CSMD1: variants seen among roughly 807,000 people sequenced by gnomAD.
The protein encoded by CSMD1 is CUB and sushi domain-containing protein 1.
In CSMD1, 213 loss-of-function variants were observed where a neutral mutation model predicts 417.5. The ratio of observed to expected loss-of-function variants is 0.51; its 90% confidence interval spans 0.46 to 0.57. The LOEUF (loss-of-function observed/expected upper bound fraction) is 0.57. Ranked by LOEUF, CSMD1 falls within the 20% of genes least tolerant of loss-of-function variation. CSMD1 has a pLI of 0.00. For missense variants in CSMD1, 6,923 were observed against 4,529.7 expected (o/e 1.53, Z -15.17); for synonymous variants, 2,862 against 1,736.8 (o/e 1.65, Z -16.11).
At position 3,308,518 on chromosome 8, in the gene CSMD1, G is replaced by C. The variant is rs371433976; in HGVS notation, c.3632-15C>G. 8 of 1,600,400 alleles carry C rather than the reference G, an allele frequency of 5.0e-6. No homozygotes were observed. Among genetic ancestry groups the C allele is most frequent in the Non-Finnish European group, 5.1e-6 (6 of 1,170,122 alleles). On this transcript the variant is annotated splice_polypyrimidine_tract_variant and intron_variant, in intron 23 of 69. Coordinates refer to ENST00000635120, the MANE Select transcript of CSMD1 (RefSeq NM_033225.6). ...CAGATCAAAACCTGCAAGAGAGAAAGGCAAGGAATGAACAGAACTCAAGGG... is the reference window on the plus strand; with the variant it reads ...CAGATCAAAACCTGCAAGAGAGAAACGCAAGGAATGAACAGAACTCAAGGG...
intron 1 of CSMD1, among the ~76,000 whole-genome samples, chr8:4,896,033 AC>A (rs1215570664): frequency 6.6e-6 from 1 of 152,056 alleles, no homozygotes; most frequent in African/African-American, 2.4e-5. Flanking sequence ...TAATGATTCT[AC>A]AATTCTTTGT....
At chr8:3,177,252 G>C (rs1318005665) in intron 37 of CSMD1, among the ~76,000 whole-genome samples, 1 of 152,172 alleles carries the variant, frequency 6.6e-6, no homozygotes, top group African/African-American at 2.4e-5. Flanking sequence ...CGCATGGGGA[G>C]TGTGCCCTTC....
chr8:2,987,287 T>C (rs913000915), intron 54 of CSMD1, among the ~76,000 whole-genome samples: 5 of 151,618 alleles, frequency 3.3e-5, no homozygotes, highest in Admixed American at 6.6e-5. Context: ...TCATGATATA[T>C]GATTACACAA....
At chr8:4,530,314 C>CTTTTTTTTTT (rs759268228) in intron 2 of CSMD1, among the ~76,000 whole-genome samples, 728 of 46,654 alleles carry the variant, frequency 0.016, 115 homozygotes, top group Non-Finnish European at 0.02. Flanking sequence ...ACAGGTAGTG[C>CTTTTTTTTTT]TTTTTTTTTT....
chr8:3,925,945 A>G (rs1809629226), intron 5 of CSMD1, among the ~76,000 whole-genome samples: 1 of 151,742 alleles, frequency 6.6e-6, no homozygotes. Flanking sequence ...CAAGCAGTAA[A>G]GGCTTTTCCT....
chr8:4,426,123 CAG>C (rs1428595019), intron 2 of CSMD1, among the ~76,000 whole-genome samples: 5 of 150,640 alleles, frequency 3.3e-5, no homozygotes, highest in Admixed American at 3.3e-4. Context: ...ATGGATGTGA[CAG>C]AGAGACTGAC....
At chr8:4,070,274 A>C (rs114279547) in intron 3 of CSMD1, among the ~76,000 whole-genome samples, 1 of 152,218 alleles carries the variant, frequency 6.6e-6, no homozygotes, top group South Asian at 2.1e-4. Flanking sequence ...ACTCTAAAAC[A>C]TAATGTTGTT....
intron 3 of CSMD1, among the ~76,000 whole-genome samples, chr8:4,251,204 T>A (rs936876592): frequency 6.6e-6 from 1 of 152,126 alleles, no homozygotes; most frequent in Non-Finnish European, 1.5e-5. Flanking sequence ...AAGTTTACAA[T>A]AAATAAAACC....
At chr8:3,906,225 C>A (rs1808100023) in intron 5 of CSMD1, among the ~76,000 whole-genome samples, 2 of 151,816 alleles carry the variant, frequency 1.3e-5, no homozygotes, top group South Asian at 4.2e-4. Context: ...TGATTGTGAC[C>A]ACAAAATGCC....
At chr8:4,870,301 G>C (rs951856298) in intron 1 of CSMD1, among the ~76,000 whole-genome samples, 2 of 152,070 alleles carry the variant, frequency 1.3e-5, no homozygotes, top group Non-Finnish European at 2.9e-5. Flanking sequence ...AATTGGAACA[G>C]AAAGACCCAC....
chr8:4,639,287 G>A (rs1803050534), intron 1 of CSMD1, among the ~76,000 whole-genome samples: 1 of 128,866 alleles, frequency 7.8e-6, no homozygotes. Context: ...TCAGTTACCT[G>A]TAACAGTCTG....
chr8:4,497,416 A>C (rs1413699169), intron 2 of CSMD1, among the ~76,000 whole-genome samples: 1 of 152,068 alleles, frequency 6.6e-6, no homozygotes, highest in Non-Finnish European at 1.5e-5. Context: ...TTTTGGGGGG[A>C]AATATTAACC....
At chr8:3,363,327 A>G (rs538717747) in intron 20 of CSMD1, among the ~76,000 whole-genome samples, 43 of 152,328 alleles carry the variant, frequency 2.8e-4, no homozygotes, top group Non-Finnish European at 4.7e-4. Flanking sequence ...ATTGAAGGAG[A>G]CAAATACAGA....
chr8:3,515,389 G>C (rs561620286), intron 10 of CSMD1: 1 of 152,164 alleles, frequency 6.6e-6, no homozygotes, highest in African/African-American at 2.4e-5. Context: ...GGCTCTTTAT[G>C]ATCTTGAAAA....
chr8:4,896,365 G>C (rs1045881965), intron 1 of CSMD1, among the ~76,000 whole-genome samples: 1 of 152,042 alleles, frequency 6.6e-6, no homozygotes, highest in Non-Finnish European at 1.5e-5. Flanking sequence ...AACACAGGGA[G>C]CATTGCTTTT....
rs552700593 is a variant in CSMD1, at chr8:3,567,937, C to G, written c.1344+7008G>C. On this transcript the variant is annotated intron_variant, in intron 10 of 69. Transcript: ENST00000635120. The stretch of plus-strand genomic sequence containing the variant: ...ACACATGTGTTGACATCCCCATGGA[C>G]GCCGGAGATGGAAACCCACCAATGA... Among the ~76,000 whole-genome samples the G allele has an allele frequency of 2.0e-5, 3 of 152,244 alleles. No individual in the cohort carries two copies. The South Asian group carries it at 6.2e-4, about 32-fold the overall frequency.
chr8:4,139,496 T>A (rs997600180), intron 3 of CSMD1, among the ~76,000 whole-genome samples: 2 of 151,232 alleles, frequency 1.3e-5, no homozygotes, highest in African/African-American at 2.5e-5. Context: ...CGTGGATGAA[T>A]GGTCTGCATT....
At chr8:4,196,720 G>A (rs1488334855) in intron 3 of CSMD1, among the ~76,000 whole-genome samples, 3 of 151,952 alleles carry the variant, frequency 2.0e-5, no homozygotes, top group African/African-American at 7.3e-5. Flanking sequence ...GGTCCACCAG[G>A]GTAATTAGGA....
chr8:4,485,233 A>G lies in CSMD1; in HGVS notation c.303-65168T>C, dbSNP rs189587067. On this transcript the variant is annotated intron_variant, in intron 2 of 69. Coordinates refer to ENST00000635120, the MANE Select transcript of CSMD1 (RefSeq NM_033225.6). ...CTAGGATCCTACTTTTCATCCCTTG[A>G]GAAAAGATGAAGCACCATCATGTTC... 6.6e-5 allele frequency among the ~76,000 whole-genome samples: 10 copies of G among 152,260 alleles called. No homozygotes were observed. The East Asian group carries it at 1.9e-3, about 29-fold the overall frequency.
Sources: allele counts gnomAD v4.1 joint callset (sites outside exome capture counted in the v4.1 genomes callset), GRCh38; gene constraint gnomAD v4.1.1; transcripts MANE v1.5; gene names NCBI Gene and HGNC (gene_info 2026-07-23, HGNC 2026-07-21).